Variants in DSCAM observed in about 807,000 individuals in gnomAD.
DSCAM encodes DS cell adhesion molecule.
DSCAM carries 47 observed loss-of-function variants against 217.7 expected under a neutral mutation model. The observed-to-expected ratio is 0.22, with a 90% CI of 0.17 to 0.28. The LOEUF (loss-of-function observed/expected upper bound fraction) is 0.28. Ranked by LOEUF, DSCAM falls within the 10% of genes least tolerant of loss-of-function variation. DSCAM has a pLI of 1.00. For synonymous variants in DSCAM, 1,056 were observed against 1,015.3 expected, an observed-to-expected ratio of 1.04 and a Z score of -0.76; for missense variants, 2,080 against 2,618.3, an observed-to-expected ratio of 0.79 and a Z score of 4.49.
In DSCAM at chr21:40,093,886, G is replaced by T. The variant is rs755830376; in HGVS notation, c.3697-12C>A. ...AACTCGCTGATCACCTGTAAAAAGA[G>T]ACATAAGTGTTCCCACATTCAAAGA... is the stretch of plus-strand genomic sequence containing the variant. On this transcript the variant is annotated splice_polypyrimidine_tract_variant and intron_variant, in intron 20 of 32. Coordinates refer to ENST00000400454, the MANE Select transcript of DSCAM (RefSeq NM_001389.5). The T allele has an allele frequency of 6.2e-7, 1 of 1,608,642 alleles. No individual in the cohort carries two copies. The highest frequency in any genetic ancestry group is 2.2e-5 in the East Asian group (1 of 44,734).
chr21:40,555,853 T>A (rs2076667353), intron 3 of DSCAM, among the ~76,000 whole-genome samples: 1 of 152,054 alleles, frequency 6.6e-6, no homozygotes, highest in African/African-American at 2.4e-5. Context: ...TCCTGACTGG[T>A]CTTGAAGTCT....
At chr21:40,584,439 C>G (rs555956215) in intron 3 of DSCAM, among the ~76,000 whole-genome samples, 115 of 152,268 alleles carry the variant, frequency 7.6e-4, no homozygotes, top group African/African-American at 2.6e-3. Context: ...TCAGAAGCGT[C>G]GGCAGCAGGG....
intron 3 of DSCAM, among the ~76,000 whole-genome samples, chr21:40,604,932 G>A (rs1386004930): frequency 1.3e-5 from 2 of 152,212 alleles, no homozygotes; most frequent in African/African-American, 4.8e-5. Flanking sequence ...GGGGGCACCA[G>A]TGGCTAATTT....
At chr21:40,249,894 G>T (rs1483872109) in intron 11 of DSCAM, among the ~76,000 whole-genome samples, 1 of 152,130 alleles carries the variant, frequency 6.6e-6, no homozygotes, top group African/African-American at 2.4e-5. Flanking sequence ...GAGGCCTCAA[G>T]GTATTTTGTC....
intron 16 of DSCAM, among the ~76,000 whole-genome samples, chr21:40,165,764 G>A (rs1028237946): frequency 6.6e-6 from 1 of 152,226 alleles, no homozygotes; most frequent in African/African-American, 2.4e-5. Context: ...CAAAACACGA[G>A]AGAATGTGTA....
At chr21:40,615,146 A>C (rs1246356664) in intron 3 of DSCAM, among the ~76,000 whole-genome samples, 1 of 151,768 alleles carries the variant, frequency 6.6e-6, no homozygotes, top group Non-Finnish European at 1.5e-5. Flanking sequence ...TCTACTAAAA[A>C]TACAAAAATT....
chr21:40,457,557 A>AAAC (rs2075774006), intron 3 of DSCAM, among the ~76,000 whole-genome samples: 1 of 144,462 alleles, frequency 6.9e-6, no homozygotes, highest in Non-Finnish European at 1.5e-5. Context: ...AACAAACAAA[A>AAAC]AAACCTGTAT....
intron 10 of DSCAM, among the ~76,000 whole-genome samples, chr21:40,280,181 C>CTTTTT (rs3988427): frequency 8.4e-6 from 1 of 118,950 alleles, no homozygotes; most frequent in Non-Finnish European, 1.6e-5. Flanking sequence ...ATTTTGGTGC[C>CTTTTT]TTTTTTTTTT....
chr21:40,234,201 C>T (rs2091406071), intron 11 of DSCAM, among the ~76,000 whole-genome samples: 1 of 152,174 alleles, frequency 6.6e-6, no homozygotes, highest in Non-Finnish European at 1.5e-5. Flanking sequence ...CAACATGGTG[C>T]CTGGGTCAAG....
chr21:40,438,358 G>C (rs1021036123), intron 3 of DSCAM, among the ~76,000 whole-genome samples: 1 of 152,202 alleles, frequency 6.6e-6, no homozygotes, highest in African/African-American at 2.4e-5. Context: ...TGGAGGTCTA[G>C]AACAGTTCCT....
chr21:40,189,002 T>C (rs372071202), intron 12 of DSCAM, 40 bp downstream of exon 12: 78 of 1,589,448 alleles, frequency 4.9e-5, no homozygotes, highest in Non-Finnish European at 6.5e-5. Context: ...ATTCTTCCAA[T>C]AAAGTTCATT....
At chr21:40,435,481 C>T (rs1248064357) in intron 3 of DSCAM, among the ~76,000 whole-genome samples, 1 of 151,756 alleles carries the variant, frequency 6.6e-6, no homozygotes. Context: ...TGAACATGTA[C>T]CCCTGAACCT....
chr21:40,386,893 A>G (rs767763736), intron 3 of DSCAM, among the ~76,000 whole-genome samples: 6 of 152,178 alleles, frequency 3.9e-5, no homozygotes, highest in Non-Finnish European at 7.4e-5. Flanking sequence ...TTTTAAGATA[A>G]AATTCCCTCT....
At chr21:40,073,020 T>C (rs77251147) in intron 27 of DSCAM, among the ~76,000 whole-genome samples, 247 of 152,224 alleles carry the variant, frequency 1.6e-3, no homozygotes, top group African/African-American at 5.0e-3. Flanking sequence ...ACAGCAACAA[T>C]TAAATTACAA....
At chr21:40,176,384 T>C (rs66861713) in intron 15 of DSCAM, among the ~76,000 whole-genome samples, 68,891 of 151,586 alleles carry the variant, frequency 0.45, 17,154 homozygotes, top group African/African-American at 0.68. Flanking sequence ...GTGAGTGGGC[T>C]GACAGCTTCC....
chr21:40,716,822 G>A (rs1487917979), intron 1 of DSCAM, among the ~76,000 whole-genome samples: 2 of 152,056 alleles, frequency 1.3e-5, no homozygotes, highest in Admixed American at 6.6e-5. Flanking sequence ...ACAAGTCCTG[G>A]TACTACTGCC....
At chr21:40,477,880 G>A (rs970363173) in intron 3 of DSCAM, among the ~76,000 whole-genome samples, 1 of 152,044 alleles carries the variant, frequency 6.6e-6, no homozygotes, top group African/African-American at 2.4e-5. Context: ...TATACCTAGA[G>A]AAGAGTACAT....
intron 1 of DSCAM, among the ~76,000 whole-genome samples, chr21:40,822,924 C>T (rs919129800): frequency 3.3e-5 from 5 of 152,064 alleles, no homozygotes; most frequent in Admixed American, 1.3e-4. Flanking sequence ...CCGAGGCGGG[C>T]GGATCACTTG....
At chr21:40,728,634 G>A (rs966419641) in intron 1 of DSCAM, among the ~76,000 whole-genome samples, 1 of 151,952 alleles carries the variant, frequency 6.6e-6, no homozygotes, top group Non-Finnish European at 1.5e-5. Flanking sequence ...TGGCCAGGCT[G>A]GTCTCGAACT....
Sources: allele counts gnomAD v4.1 joint callset (sites outside exome capture counted in the v4.1 genomes callset), GRCh38; gene constraint gnomAD v4.1.1; transcripts MANE v1.5; gene names NCBI Gene and HGNC (gene_info 2026-07-23, HGNC 2026-07-21).